Variants in FBXL13 observed in about 807,000 individuals in gnomAD.
FBXL13 encodes F-box and leucine rich repeat protein 13, also known as F-box and leucine-rich repeat protein 13.
A neutral mutation model predicts 83.6 loss-of-function variants in FBXL13; 67 were observed. That is an observed-to-expected ratio of 0.80 (90% CI 0.66 to 0.98). The LOEUF (loss-of-function observed/expected upper bound fraction) is 0.98, where lower values mean the gene tolerates loss of function less well. Ranked by LOEUF, FBXL13 falls within the 50% of genes least tolerant of loss-of-function variation. The pLI, the probability that FBXL13 is intolerant of heterozygous loss-of-function variation, is 0.00. For missense variants in FBXL13, 822 were observed against 866.5 expected (o/e 0.95, Z 0.64); for synonymous variants, 272 against 299.5 (o/e 0.91, Z 0.95).
chr7:103,069,674 T>C (rs1420548520), intron 1 of FBXL13, among the ~76,000 whole-genome samples: 1 of 152,206 alleles, frequency 6.6e-6, no homozygotes, highest in Non-Finnish European at 1.5e-5. Flanking sequence ...ACTGAGGTCA[T>C]GAGCTCTGTA....
intron 6 of FBXL13, among the ~76,000 whole-genome samples, chr7:102,974,017 T>G (rs1305357492): frequency 6.6e-6 from 1 of 152,116 alleles, no homozygotes; most frequent in Non-Finnish European, 1.5e-5. Flanking sequence ...TTTTCCCTGT[T>G]TTCCCGAGCC....
intron 16 of FBXL13, among the ~76,000 whole-genome samples, chr7:102,861,853 G>A (rs1806884607): frequency 6.6e-6 from 1 of 151,884 alleles, no homozygotes; most frequent in African/African-American, 2.4e-5. Context: ...ATGGTGGCAG[G>A]TGCTTGTAAT....
At chr7:102,973,528 C>T (rs770716488) in intron 6 of FBXL13, 22 of 764,116 alleles carry the variant, frequency 2.9e-5, no homozygotes, top group African/African-American at 5.1e-5. Context: ...TGCACCCAGG[C>T]GCTCATTAAA....
chr7:102,909,083 A>C (rs1814225935), intron 11 of FBXL13, among the ~76,000 whole-genome samples: 2 of 152,186 alleles, frequency 1.3e-5, no homozygotes, highest in African/African-American at 2.4e-5. Flanking sequence ...GTTCTATTGC[A>C]CTGCGGCTGA....
At chr7:102,912,042 T>C (rs1814775782) in intron 11 of FBXL13, among the ~76,000 whole-genome samples, 1 of 152,200 alleles carries the variant, frequency 6.6e-6, no homozygotes, top group African/African-American at 2.4e-5. Context: ...TGCCCCTGTA[T>C]TTCCCACTAT....
rs1218776539 is a variant in FBXL13, at chr7:102,865,467, T to C, written c.1636-10607A>G. ...CCTTTTCTACTCTAGTTAGTAATTATGCTTTTATAAATATAATGTACCTTT... is the reference window on the plus strand; with the variant it reads ...CCTTTTCTACTCTAGTTAGTAATTACGCTTTTATAAATATAATGTACCTTT... On this transcript the variant is annotated intron_variant, in intron 16 of 19. Transcript: ENST00000313221. Among the ~76,000 whole-genome samples, 3 of 152,236 alleles carry C rather than the reference T, an allele frequency of 2.0e-5. No individual in the cohort carries two copies. The East Asian group carries it at 5.8e-4, about 29-fold the overall frequency.
chr7:102,877,530 T>C, exon 16 of FBXL13: 1 of 1,611,358 alleles, frequency 6.2e-7, no homozygotes. Flanking sequence ...TTACAATATA[T>C]CCAATTCCTT....
At chr7:103,000,180 GT>G (rs1790246813) in intron 6 of FBXL13, among the ~76,000 whole-genome samples, 2 of 152,044 alleles carry the variant, frequency 1.3e-5, no homozygotes, top group South Asian at 4.1e-4. Flanking sequence ...TCAGGAGTAT[GT>G]TGGTCAATTT....
intron 7 of FBXL13, among the ~76,000 whole-genome samples, chr7:102,964,801 C>G (rs1396196347): frequency 6.6e-6 from 1 of 152,154 alleles, no homozygotes; most frequent in Non-Finnish European, 1.5e-5. Context: ...CAATGCAACA[C>G]TGAGAAACAG....
At chr7:102,905,039 T>C (rs1157438060) in intron 11 of FBXL13, among the ~76,000 whole-genome samples, 3 of 151,968 alleles carry the variant, frequency 2.0e-5, no homozygotes, top group Non-Finnish European at 2.9e-5. Context: ...ACATATGATC[T>C]ATCCTTGAGA....
At chr7:102,859,142 A>C (rs1806449847) in intron 16 of FBXL13, among the ~76,000 whole-genome samples, 1 of 152,220 alleles carries the variant, frequency 6.6e-6, no homozygotes, top group Non-Finnish European at 1.5e-5. Flanking sequence ...TTTGTTAGCA[A>C]CTTCAGACCC....
At position 102,883,550 on chromosome 7, in the gene FBXL13, A is replaced by G. The variant is rs779565441; in HGVS notation, c.1225+18T>C. 33 of 1,590,816 alleles carry G rather than the reference A, an allele frequency of 2.1e-5. No individual in the cohort carries two copies. The highest frequency in any genetic ancestry group is 2.8e-5 in the Non-Finnish European group (32 of 1,162,508). ...AAAGTAAACAATAATGCTGAACCAC[A>G]TTTTTAATATAACAGACCTTCAAAT... On this transcript the variant is annotated intron_variant, in intron 13 of 19. Coordinates refer to ENST00000313221, the Ensembl canonical transcript of FBXL13.
chr7:103,074,360 T>C (rs1039230488), exon 1 of FBXL13: 4 of 1,035,496 alleles, frequency 3.9e-6, no homozygotes, highest in Middle Eastern at 4.9e-4. Flanking sequence ...CTGGCACTTC[T>C]TTCTCACTCC....
intron 11 of FBXL13, among the ~76,000 whole-genome samples, chr7:102,885,775 C>A (rs953769813): frequency 1.3e-5 from 2 of 151,872 alleles, no homozygotes; most frequent in African/African-American, 2.4e-5. Flanking sequence ...GGTTATTGAC[C>A]ATTTTGTGTT....
chr7:103,003,295 T>G (rs1232889144), intron 6 of FBXL13, among the ~76,000 whole-genome samples: 5 of 134,572 alleles, frequency 3.7e-5, no homozygotes, highest in Admixed American at 7.4e-5. Context: ...TTTTTTTTTT[T>G]TTTTTTTTTT....
At chr7:102,859,664 C>T (rs1806527800) in intron 16 of FBXL13, among the ~76,000 whole-genome samples, 1 of 151,898 alleles carries the variant, frequency 6.6e-6, no homozygotes, top group Non-Finnish European at 1.5e-5. Flanking sequence ...TAGAGTGACT[C>T]GGTCTCAGTG....
exon 15 of FBXL13, chr7:102,878,438 C>T: frequency 6.3e-7 from 1 of 1,597,482 alleles, no homozygotes; most frequent in Non-Finnish European, 8.5e-7. Flanking sequence ...GCTTTAGTCC[C>T]ATATCACCAA....
intron 11 of FBXL13, among the ~76,000 whole-genome samples, chr7:102,894,829 AG>A (rs1252802764): frequency 6.6e-6 from 1 of 152,130 alleles, no homozygotes; most frequent in Non-Finnish European, 1.5e-5. Context: ...AAGAAATATC[AG>A]ACTTGACCTT....
At chr7:102,812,614 C>A (rs983625865), downstream of FBXL13, among the ~76,000 whole-genome samples, 1 of 152,100 alleles carries the variant, frequency 6.6e-6, no homozygotes, top group Non-Finnish European at 1.5e-5. Context: ...CCTTAAAAAG[C>A]GTTACAGATC....
Sources: allele counts gnomAD v4.1 joint callset (sites outside exome capture counted in the v4.1 genomes callset), GRCh38; gene constraint gnomAD v4.1.1; transcripts MANE v1.5; gene names NCBI Gene and HGNC (gene_info 2026-07-23, HGNC 2026-07-21).